WDR47: variants seen among roughly 807,000 people sequenced by gnomAD.
WDR47 encodes WD repeat-containing protein 47.
Under a neutral mutation model 97.2 loss-of-function variants are expected in WDR47, and 32 were observed. The observed-to-expected ratio is 0.33, with a 90% CI of 0.25 to 0.44. WDR47 has a LOEUF of 0.44. Among genes scored for constraint, WDR47 ranks in the 20% least tolerant of loss-of-function variants. The pLI is 1.00. For missense variants in WDR47, 782 were observed against 1,102.3 expected (o/e 0.71, Z 4.11); for synonymous variants, 375 against 373.5 (o/e 1.00, Z -0.05).
intron 13 of WDR47, among the ~76,000 whole-genome samples, chr1:108,977,732 G>T (rs115766781): frequency 6.6e-6 from 1 of 152,138 alleles, no homozygotes; most frequent in Non-Finnish European, 1.5e-5. Context: ...CCTGGCTGAG[G>T]CATGAAAATC....
chr1:108,993,384 T>C (rs1364409718), intron 8 of WDR47, among the ~76,000 whole-genome samples: 1 of 151,474 alleles, frequency 6.6e-6, no homozygotes, highest in Non-Finnish European at 1.5e-5. Flanking sequence ...ATCAGAACAC[T>C]AAAACTGGAA....
At chr1:109,031,795 C>CTTTTTTT (rs56318868) in intron 1 of WDR47, among the ~76,000 whole-genome samples, 4 of 78,352 alleles carry the variant, frequency 5.1e-5, no homozygotes, top group Admixed American at 1.7e-4. Context: ...ATCTTTCTTT[C>CTTTTTTT]TTTTTTTTTT....
chr1:109,041,009 C>CA (rs540629928), intron 1 of WDR47, among the ~76,000 whole-genome samples: 11,290 of 127,518 alleles, frequency 0.089, 559 homozygotes, highest in Admixed American at 0.18. Context: ...ACCAAGTTGC[C>CA]AAAAAAAAAA....
Position 109,011,636 on chromosome 1 carries a change from A to G in WDR47, c.410T>C (p.Leu137Pro), listed in dbSNP as rs763959676. 1.9e-6 allele frequency: 3 copies of G among 1,614,184 alleles called. No homozygotes were observed. The highest frequency in any genetic ancestry group is 1.7e-6 in the Non-Finnish European group (2 of 1,180,024). Reference protein sequence around the residue: ...YCPSKDDYSKLCLLLTLPRLT... With the variant: ...YCPSKDDYSKPCLLLTLPRLT... ...ACGAGGCAAAGTCAAAAGCAAACAGAGCTTACTATAGTCATCTTTAGAAGG... is the reference window on the plus strand; with the variant it reads ...ACGAGGCAAAGTCAAAAGCAAACAGGGCTTACTATAGTCATCTTTAGAAGG... The change falls in exon 5 of 15, where the codon CTC (leucine) becomes CCC (proline). Residue 137 changes from leucine to proline, a missense_variant. Coordinates refer to ENST00000369962, the MANE Select transcript of WDR47 (RefSeq NM_001142551.2).
At chr1:108,983,258 A>C (rs1420854507) in intron 11 of WDR47, 24 bp downstream of exon 11, 4 of 1,580,194 alleles carry the variant, frequency 2.5e-6, no homozygotes, top group Non-Finnish European at 3.4e-6. Flanking sequence ...TAAGCTAGCT[A>C]CTGCTTACAT....
intron 1 of WDR47, chr1:109,030,075 G>A (rs1004539766): frequency 4.1e-6 from 3 of 726,276 alleles, no homozygotes; most frequent in East Asian, 5.9e-5. Flanking sequence ...CATGCCTCTC[G>A]CAAAAGATCT....
intron 14 of WDR47, among the ~76,000 whole-genome samples, chr1:108,973,058 C>T (rs759573080): frequency 6.6e-6 from 1 of 151,930 alleles, no homozygotes; most frequent in Non-Finnish European, 1.5e-5. Context: ...GTGTCATGAA[C>T]GTGCTAAGCT....
chr1:108,977,984 CA>C (rs953176965), intron 13 of WDR47, among the ~76,000 whole-genome samples: 15,555 of 105,622 alleles, frequency 0.15, 880 homozygotes, highest in African/African-American at 0.21. Context: ...AACACTCTCT[CA>C]AAAAAAAAAA....
Position 108,995,790 on chromosome 1 carries a change from C to G in WDR47, c.1481G>C (p.Gly494Ala). The change falls in exon 8 of 15, where the codon GGT becomes GCT. Residue 494 changes from glycine (G) to alanine (A), a missense_variant. Coordinates refer to ENST00000369962, the MANE Select transcript of WDR47 (RefSeq NM_001142551.2). ...CTGGTTGAGTGCTGATACCTCATTA[C>G]CAAGGCCATCCATTCCAATATTTAA... ...GELNIGMDGLGNEVSALNQQC... is the reference protein window; with the variant it reads ...GELNIGMDGLANEVSALNQQC... 1.2e-6 allele frequency: 2 copies of G among 1,614,032 alleles called. No homozygotes were observed. The highest frequency in any genetic ancestry group is 1.7e-6 in the Non-Finnish European group (2 of 1,180,000).
intron 12 of WDR47, 57 bp from the exon 13 acceptor site, chr1:108,981,921 T>A (rs1376213853): frequency 6.4e-7 from 1 of 1,565,198 alleles, no homozygotes; most frequent in African/African-American, 1.4e-5. Context: ...CCATAACATA[T>A]TCAAAGCTAA....
At position 109,011,026 on chromosome 1, in the gene WDR47, T is replaced by C. The variant is rs774709725; in HGVS notation, c.1020A>G (p.Pro340=). 3 of 1,614,036 alleles carry C rather than the reference T, an allele frequency of 1.9e-6. No individual in the cohort carries two copies. Among genetic ancestry groups the C allele is most frequent in the African/African-American group, 1.3e-5 (1 of 74,926 alleles). The change falls in exon 5 of 15, where the codon CCA becomes CCG. Residue 340 remains proline (P), a synonymous_variant. Coordinates refer to ENST00000369962, the MANE Select transcript of WDR47 (RefSeq NM_001142551.2). Reference sequence around the variant, plus strand: ...GGAAGTTAGCAAAGGAGTGTGACATTGGAGAAGTTTTGTTTCCAAGGTCTG... The same window carrying C: ...GGAAGTTAGCAAAGGAGTGTGACATCGGAGAAGTTTTGTTTCCAAGGTCTG... ...RISDLGNKTS[P]MSHSFANFHY... is the part of the protein sequence containing the mutation.
intron 1 of WDR47, among the ~76,000 whole-genome samples, chr1:109,033,506 C>T (rs1290829018): frequency 1.3e-5 from 2 of 152,224 alleles, no homozygotes; most frequent in Non-Finnish European, 1.5e-5. Context: ...CTCACTTCCA[C>T]ACACAGTAAA....
chr1:109,028,001 T>C (rs1011723079), intron 1 of WDR47, among the ~76,000 whole-genome samples: 1 of 152,148 alleles, frequency 6.6e-6, no homozygotes, highest in Non-Finnish European at 1.5e-5. Context: ...CCCTCTCCTC[T>C]GGGGGAGCTA....
chr1:109,000,147 G>A (rs557090823), intron 7 of WDR47, among the ~76,000 whole-genome samples: 69 of 152,048 alleles, frequency 4.5e-4, no homozygotes, highest in African/African-American at 1.6e-3. Flanking sequence ...GGAGTTCAAG[G>A]TTACAGTGAG....
intron 5 of WDR47, among the ~76,000 whole-genome samples, 162 bp from the exon 6 acceptor site, chr1:109,004,877 A>AC (rs1660479773): frequency 6.6e-6 from 1 of 152,032 alleles, no homozygotes; most frequent in South Asian, 2.1e-4. Context: ...TGCAACCTCT[A>AC]CCTCCCAGGT....
intron 3 of WDR47, among the ~76,000 whole-genome samples, chr1:109,016,070 A>G (rs780867859): frequency 6.6e-6 from 1 of 151,936 alleles, no homozygotes; most frequent in Non-Finnish European, 1.5e-5. Flanking sequence ...CAGTTCACAC[A>G]GTGTGAGCTA....
In WDR47 at chr1:109,036,511, G is replaced by T. The variant is rs182449007; in HGVS notation, c.-10+5351C>A. 6.1e-3 allele frequency among the ~76,000 whole-genome samples: 876 copies of T among 143,650 alleles called. 1 individual carries two copies. Among genetic ancestry groups the T allele is most frequent in the African/African-American group, 0.021 (805 of 38,554 alleles). 94.2% of individuals were successfully genotyped at this position (143,650 alleles called of 152,430 possible). ...GATGGCACCACTGCACTACAGCCTG[G>T]GCGACTGAGCAAGACTCCGTCTCAA... On this transcript the variant is annotated intron_variant, in intron 1 of 14. Transcript: ENST00000369962.
At chr1:108,976,164 CAAATT>C (rs1296214752) in intron 13 of WDR47, among the ~76,000 whole-genome samples, 4 of 151,930 alleles carry the variant, frequency 2.6e-5, no homozygotes, top group Non-Finnish European at 4.4e-5. Flanking sequence ...AAATGTGTAT[CAAATT>C]AAAGTGGAAA....
At chr1:109,031,662 G>GC (rs1662611415) in intron 1 of WDR47, among the ~76,000 whole-genome samples, 1 of 139,166 alleles carries the variant, frequency 7.2e-6, no homozygotes, top group East Asian at 2.1e-4. Context: ...ATTTACATTT[G>GC]CAAACTACTA....
Sources: allele counts gnomAD v4.1 joint callset (sites outside exome capture counted in the v4.1 genomes callset), GRCh38; gene constraint gnomAD v4.1.1; transcripts MANE v1.5; gene names NCBI Gene and HGNC (gene_info 2026-07-23, HGNC 2026-07-21).